PTPRM: variants seen among roughly 807,000 people sequenced by gnomAD.
PTPRM encodes receptor-type tyrosine-protein phosphatase mu.
A neutral mutation model predicts 186.7 loss-of-function variants in PTPRM; 47 were observed. The ratio of observed to expected loss-of-function variants is 0.25; its 90% CI spans 0.20 to 0.32. The LOEUF (loss-of-function observed/expected upper bound fraction) is 0.32. Ranked by LOEUF, PTPRM falls within the 10% of genes least tolerant of loss-of-function variation. PTPRM has a pLI of 1.00. For missense variants in PTPRM, 1,494 were observed against 1,865.0 expected (o/e 0.80, Z 3.66); for synonymous variants, 668 against 674.9 (o/e 0.99, Z 0.16).
At chr18:8,329,075 T>C (rs1300018318) in intron 22 of PTPRM, among the ~76,000 whole-genome samples, 2 of 152,198 alleles carry the variant, frequency 1.3e-5, no homozygotes, top group African/African-American at 4.8e-5. Context: ...TACAGAATAA[T>C]TTGAAAATAA....
chr18:7,624,958 T>A (rs2038025281), intron 1 of PTPRM, among the ~76,000 whole-genome samples: 1 of 152,230 alleles, frequency 6.6e-6, no homozygotes, highest in Admixed American at 6.5e-5. Context: ...CAGCTGCTGC[T>A]GCTGAGTAAC....
intron 2 of PTPRM, among the ~76,000 whole-genome samples, chr18:7,779,648 G>A (rs1568119845): frequency 1.3e-5 from 2 of 152,266 alleles, no homozygotes; most frequent in South Asian, 4.1e-4. Context: ...ACTTATTCAG[G>A]TCTTAGAGAG....
At chr18:7,880,272 G>T (rs2048440685) in intron 2 of PTPRM, among the ~76,000 whole-genome samples, 1 of 152,188 alleles carries the variant, frequency 6.6e-6, no homozygotes, top group African/African-American at 2.4e-5. Context: ...GCTTCCCTGT[G>T]ATACAGTATT....
intron 24 of PTPRM, among the ~76,000 whole-genome samples, chr18:8,372,862 G>A (rs1340929686): frequency 6.6e-6 from 1 of 151,928 alleles, no homozygotes; most frequent in Non-Finnish European, 1.5e-5. Flanking sequence ...TAAACATGGA[G>A]TTTTTTTGAA....
At chr18:8,112,871 C>T (rs1170197881) in intron 11 of PTPRM, among the ~76,000 whole-genome samples, 1 of 152,144 alleles carries the variant, frequency 6.6e-6, no homozygotes, top group Non-Finnish European at 1.5e-5. Context: ...TTACTAATCA[C>T]TTGGAACTCC....
At chr18:8,122,404 C>T (rs923379116) in intron 13 of PTPRM, 2 of 152,508 alleles carry the variant, frequency 1.3e-5, no homozygotes, top group African/African-American at 4.8e-5. Flanking sequence ...TCCTCCTTTG[C>T]TTAAGGCCTG....
At chr18:8,238,552 T>C (rs2094373801) in intron 14 of PTPRM, among the ~76,000 whole-genome samples, 1 of 152,010 alleles carries the variant, frequency 6.6e-6, no homozygotes, top group Non-Finnish European at 1.5e-5. Context: ...AGCATACTAA[T>C]CGTGGTTGTT....
intron 2 of PTPRM, among the ~76,000 whole-genome samples, chr18:7,811,328 T>C (rs941609147): frequency 6.6e-6 from 1 of 152,150 alleles, no homozygotes. Flanking sequence ...GGGCTTTGCA[T>C]AGGCTTTGCA....
chr18:8,276,462 C>T (rs998863494), intron 19 of PTPRM, among the ~76,000 whole-genome samples: 21 of 152,200 alleles, frequency 1.4e-4, no homozygotes, highest in Admixed American at 1.1e-3. Context: ...TGTTTAGTAC[C>T]AGGTAGTGGA....
At chr18:8,126,888 T>C (rs982795239) in intron 13 of PTPRM, among the ~76,000 whole-genome samples, 4 of 152,048 alleles carry the variant, frequency 2.6e-5, no homozygotes, top group African/African-American at 9.7e-5. Context: ...TCATCATGGC[T>C]GGAGAGCAGA....
intron 30 of PTPRM, among the ~76,000 whole-genome samples, chr18:8,386,601 A>T (rs2095775676): frequency 6.6e-6 from 1 of 152,198 alleles, no homozygotes; most frequent in Non-Finnish European, 1.5e-5. Context: ...ATGACTAAGG[A>T]TTAATTAACT....
At chr18:8,383,142 A>G (rs1185970537) in intron 29 of PTPRM, among the ~76,000 whole-genome samples, 1 of 151,774 alleles carries the variant, frequency 6.6e-6, no homozygotes, top group Non-Finnish European at 1.5e-5. Context: ...CACTAAAAAT[A>G]CAAAAATTAG....
intron 7 of PTPRM, among the ~76,000 whole-genome samples, chr18:8,056,169 C>T (rs1334287055): frequency 6.6e-6 from 1 of 152,048 alleles, no homozygotes; most frequent in Non-Finnish European, 1.5e-5. Context: ...GAATATTTTG[C>T]TTTCATACAA....
At chr18:7,921,878 G>A (rs537517480) in intron 4 of PTPRM, among the ~76,000 whole-genome samples, 508 of 152,154 alleles carry the variant, frequency 3.3e-3, no homozygotes, top group Non-Finnish European at 4.3e-3. Flanking sequence ...TCAGTCACTG[G>A]TTCCTTGCTT....
intron 7 of PTPRM, among the ~76,000 whole-genome samples, chr18:8,014,080 G>A (rs1367067942): frequency 6.6e-6 from 1 of 151,940 alleles, no homozygotes; most frequent in Non-Finnish European, 1.5e-5. Context: ...TAAAACAGAG[G>A]CAGTATAAGA....
At chr18:8,345,260 A>G (rs1181798566) in intron 23 of PTPRM, among the ~76,000 whole-genome samples, 1 of 150,868 alleles carries the variant, frequency 6.6e-6, no homozygotes, top group Non-Finnish European at 1.5e-5. Context: ...AATAATAAAC[A>G]TGAATAGAAA....
intron 14 of PTPRM, among the ~76,000 whole-genome samples, chr18:8,182,314 C>T (rs576376860): frequency 6.6e-6 from 1 of 152,162 alleles, no homozygotes; most frequent in African/African-American, 2.4e-5. Flanking sequence ...TCCCATCATC[C>T]AAGTGGCAAA....
chr18:7,764,877 C>G (rs1598581251), intron 1 of PTPRM, among the ~76,000 whole-genome samples: 1 of 146,906 alleles, frequency 6.8e-6, no homozygotes, highest in Non-Finnish European at 1.5e-5. Flanking sequence ...TAGAGGCAGA[C>G]AACTATTTTT....
At chr18:7,851,993 G>C (rs1352095186) in intron 2 of PTPRM, among the ~76,000 whole-genome samples, 1 of 152,116 alleles carries the variant, frequency 6.6e-6, no homozygotes, top group African/African-American at 2.4e-5. Context: ...GAGCCATATT[G>C]TAATCTCTAC....
Sources: gnomAD v4.1 joint callset for allele counts (sites outside exome capture counted in the v4.1 genomes callset) on GRCh38, gnomAD v4.1.1 for gene constraint, MANE v1.5 for transcripts, NCBI Gene and HGNC (gene_info 2026-07-23, HGNC 2026-07-21) for gene names.